Variants in DPYD observed in about 807,000 individuals in gnomAD.
DPYD encodes the protein dihydropyrimidine dehydrogenase.
DPYD carries 109 observed loss-of-function variants against 116.2 expected under a neutral mutation model. The observed-to-expected ratio is 0.94, with a 90% CI of 0.80 to 1.10. The LOEUF is 1.10. Ranked by LOEUF, DPYD falls within the 50% of genes least tolerant of loss-of-function variation. DPYD has a pLI of 0.00. For synonymous variants in DPYD, 440 were observed against 432.0 expected, an observed-to-expected ratio of 1.02 and a Z score of -0.23; for missense variants, 1,302 against 1,254.5, an observed-to-expected ratio of 1.04 and a Z score of -0.57.
chr1:97,577,638 T>C (rs189653741), intron 10 of DPYD, among the ~76,000 whole-genome samples: 231 of 152,220 alleles, frequency 1.5e-3, no homozygotes, highest in Non-Finnish European at 1.1e-3. Context: ...TTTATTTCCA[T>C]CTTGAGCCTG....
At position 97,353,431 on chromosome 1, in the gene DPYD, T is replaced by C. The variant is rs1366570567; in HGVS notation, c.2058+20130A>G. Among the ~76,000 whole-genome samples the C allele has an allele frequency of 2.0e-5, 3 of 152,230 alleles. No individual in the cohort carries two copies. In the East Asian group the frequency reaches 5.8e-4, roughly 29 times the overall value. On this transcript the variant is annotated intron_variant, in intron 16 of 22. Transcript: ENST00000370192. Reference sequence around the variant, plus strand: ...GGGGTGTATTAACTCTCAAGACACCTCGGTGGGGTTTTTTCCCCCTTTTAA... The same window carrying C: ...GGGGTGTATTAACTCTCAAGACACCCCGGTGGGGTTTTTTCCCCCTTTTAA...
At chr1:97,563,388 A>G (rs1470485391) in intron 11 of DPYD, among the ~76,000 whole-genome samples, 1 of 152,142 alleles carries the variant, frequency 6.6e-6, no homozygotes. Flanking sequence ...AAATACATCT[A>G]TTACACTCAC....
At chr1:97,117,171 T>A (rs561532763) in intron 20 of DPYD, among the ~76,000 whole-genome samples, 9 of 148,224 alleles carry the variant, frequency 6.1e-5, no homozygotes, top group African/African-American at 2.2e-4. Context: ...AAAAAAAAAA[T>A]GCAACTCCAG....
At chr1:97,082,222 T>G in intron 22 of DPYD, 108 bp downstream of exon 22, 1 of 1,358,106 alleles carries the variant, frequency 7.4e-7, no homozygotes, top group Non-Finnish European at 1.0e-6. Context: ...AAGAGCAATA[T>G]TTGGCACCAC....
At chr1:97,119,161 G>T (rs1652225267) in intron 20 of DPYD, among the ~76,000 whole-genome samples, 1 of 152,128 alleles carries the variant, frequency 6.6e-6, no homozygotes, top group Admixed American at 6.6e-5. Flanking sequence ...TGAAAAAAAA[G>T]CCATATGGCA....
At chr1:97,612,992 T>C (rs562052822) in intron 8 of DPYD, among the ~76,000 whole-genome samples, 3 of 152,200 alleles carry the variant, frequency 2.0e-5, no homozygotes, top group Admixed American at 1.3e-4. Flanking sequence ...AGAATGAATG[T>C]TATCCATCAC....
intron 16 of DPYD, among the ~76,000 whole-genome samples, chr1:97,315,144 G>A (rs1175225174): frequency 6.6e-6 from 1 of 151,976 alleles, no homozygotes; most frequent in Non-Finnish European, 1.5e-5. Flanking sequence ...TGCAGAAGCA[G>A]GCAACTGCAA....
Position 97,847,742 on chromosome 1 carries a change from A to G in DPYD, c.151-19546T>C, listed in dbSNP as rs540169656. Among the ~76,000 whole-genome samples, 3 of 152,328 alleles carry G rather than the reference A, an allele frequency of 2.0e-5. No homozygotes were observed. In the East Asian group the frequency reaches 5.8e-4, roughly 29 times the overall value. On this transcript the variant is annotated intron_variant, in intron 2 of 22. Transcript: ENST00000370192. ...AAACAACAAAAGAAAGAAATACTAT[A>G]TACATTGTAGGGGTGGGCTGCGAGC...
intron 3 of DPYD, among the ~76,000 whole-genome samples, chr1:97,802,059 A>C (rs1667874070): frequency 6.6e-6 from 1 of 151,864 alleles, no homozygotes; most frequent in Non-Finnish European, 1.5e-5. Context: ...ACTATGTCTA[A>C]CAGAAAAAAT....
At chr1:97,417,255 T>C (rs1674334898) in intron 14 of DPYD, among the ~76,000 whole-genome samples, 3 of 152,188 alleles carry the variant, frequency 2.0e-5, no homozygotes, top group South Asian at 2.1e-4. Context: ...TCTTAGTGAA[T>C]TGTTGAGTTG....
At chr1:97,573,155 A>C (rs1215843491) in intron 11 of DPYD, among the ~76,000 whole-genome samples, 2 of 152,112 alleles carry the variant, frequency 1.3e-5, no homozygotes, top group Non-Finnish European at 2.9e-5. Flanking sequence ...TATAACATAA[A>C]GTAGTCTTAC....
At chr1:97,707,437 TC>T (rs1189259515) in intron 5 of DPYD, among the ~76,000 whole-genome samples, 10 of 75,736 alleles carry the variant, frequency 1.3e-4, no homozygotes, top group African/African-American at 4.2e-4. Flanking sequence ...GTGCTATCCC[TC>T]CCCCCTCCCC....
chr1:97,911,643 G>T (rs1010631493), intron 1 of DPYD, among the ~76,000 whole-genome samples: 2 of 152,004 alleles, frequency 1.3e-5, no homozygotes, highest in Non-Finnish European at 2.9e-5. Context: ...GCACACACAT[G>T]ACAACCCATA....
chr1:97,561,677 A>G (rs1326609015), intron 11 of DPYD, among the ~76,000 whole-genome samples: 1 of 152,200 alleles, frequency 6.6e-6, no homozygotes, highest in Non-Finnish European at 1.5e-5. Context: ...ACATAGTTAA[A>G]CACTAAAAAC....
chr1:97,861,976 A>G (rs1671139500), intron 2 of DPYD, among the ~76,000 whole-genome samples: 1 of 152,000 alleles, frequency 6.6e-6, no homozygotes, highest in Admixed American at 6.6e-5. Context: ...AAGATGTCAT[A>G]AAGTAAGAAA....
intron 16 of DPYD, among the ~76,000 whole-genome samples, chr1:97,351,556 G>T (rs1201274108): frequency 6.6e-6 from 1 of 152,070 alleles, no homozygotes; most frequent in Non-Finnish European, 1.5e-5. Flanking sequence ...AAATTATAAA[G>T]GACATGAATA....
intron 1 of DPYD, among the ~76,000 whole-genome samples, chr1:97,884,161 C>T (rs887620971): frequency 6.6e-6 from 1 of 151,852 alleles, no homozygotes; most frequent in Non-Finnish European, 1.5e-5. Context: ...AAATATAAAT[C>T]GAGTAATTGT....
At chr1:97,347,464 C>A (rs1297872406) in intron 16 of DPYD, among the ~76,000 whole-genome samples, 1 of 151,978 alleles carries the variant, frequency 6.6e-6, no homozygotes, top group Non-Finnish European at 1.5e-5. Context: ...CCTGGATTTA[C>A]TGAGATAAGC....
chr1:97,802,494 T>C (rs981890223), intron 3 of DPYD, among the ~76,000 whole-genome samples: 4 of 151,860 alleles, frequency 2.6e-5, no homozygotes, highest in African/African-American at 9.7e-5. Flanking sequence ...ATAAGAAATA[T>C]ATAAGGAACC....
Sources: gnomAD v4.1 joint callset for allele counts (sites outside exome capture counted in the v4.1 genomes callset) on GRCh38, gnomAD v4.1.1 for gene constraint, MANE v1.5 for transcripts, NCBI Gene and HGNC (gene_info 2026-07-23, HGNC 2026-07-21) for gene names.